The following TNR variants were observed in gnomAD, a reference collection of about 807,000 sequenced individuals.
TNR encodes tenascin-R.
In TNR, 45 loss-of-function variants were observed where a neutral mutation model predicts 150.4. The observed-to-expected ratio is 0.30, with a 90% CI of 0.24 to 0.38. TNR has a LOEUF of 0.38. TNR is among the 10% of genes least tolerant of loss of function. The pLI, the probability that TNR is intolerant of heterozygous loss-of-function variation, is 1.00. For missense variants in TNR, 1,544 were observed against 1,759.1 expected, an observed-to-expected ratio of 0.88 and a Z score of 2.19; for synonymous variants, 687 against 678.4, an observed-to-expected ratio of 1.01 and a Z score of -0.20.
chr1:175,551,606 A>T (rs1372124435), intron 1 of TNR, among the ~76,000 whole-genome samples: 3 of 152,216 alleles, frequency 2.0e-5, no homozygotes, highest in Non-Finnish European at 2.9e-5. Context: ...CATGGCTTGG[A>T]GTACCTATTT....
At chr1:175,407,038 G>C (rs770934050) in intron 2 of TNR, among the ~76,000 whole-genome samples, 12 of 152,220 alleles carry the variant, frequency 7.9e-5, no homozygotes, top group Admixed American at 7.8e-4. Flanking sequence ...CTGGTCCCAT[G>C]GTGGGCAAAT....
chr1:175,351,952 C>A (rs1224023426), intron 18 of TNR, among the ~76,000 whole-genome samples: 1 of 152,188 alleles, frequency 6.6e-6, no homozygotes, highest in African/African-American at 2.4e-5. Flanking sequence ...GTCTTGTAAA[C>A]ACAAACAAAC....
chr1:175,739,708 C>A (rs1667872778), intron 1 of TNR, among the ~76,000 whole-genome samples: 1 of 152,138 alleles, frequency 6.6e-6, no homozygotes, highest in Non-Finnish European at 1.5e-5. Flanking sequence ...TCTAAATTTA[C>A]TCTTAAATAA....
chr1:175,374,716 T>C (rs1483527848), intron 9 of TNR, among the ~76,000 whole-genome samples: 3 of 152,196 alleles, frequency 2.0e-5, no homozygotes, highest in African/African-American at 7.2e-5. Context: ...ATAGTCCTGG[T>C]GCAGGGAGAG....
chr1:175,437,411 C>T (rs1175795286), intron 2 of TNR, among the ~76,000 whole-genome samples: 21 of 152,246 alleles, frequency 1.4e-4, no homozygotes, highest in South Asian at 1.2e-3. Context: ...ACTAAATGCT[C>T]GCAAGAGAAG....
At chr1:175,689,427 T>C (rs903933329) in intron 1 of TNR, among the ~76,000 whole-genome samples, 11 of 152,190 alleles carry the variant, frequency 7.2e-5, no homozygotes, top group South Asian at 4.1e-4. Context: ...ACCTCTTAGA[T>C]TGGAGGCCTG....
chr1:175,715,929 C>T (rs1300945677), intron 1 of TNR, among the ~76,000 whole-genome samples: 1 of 152,212 alleles, frequency 6.6e-6, no homozygotes, highest in Non-Finnish European at 1.5e-5. Context: ...ACTTCCTGCA[C>T]ACACATCAGT....
rs535011161 is a variant in TNR at position 175,500,344 on chromosome 1, C to A, written c.-64+27925G>T. ...CACGTTCTCCTCAGTTTCCATTTTT[C>A]TTGTGTGGATGTAGAATTTCTAAGT... On this transcript the variant is annotated intron_variant, in intron 2 of 22. Transcript: ENST00000367674. Among the ~76,000 whole-genome samples the A allele has an allele frequency of 3.0e-4, 46 of 152,288 alleles. 1 individual carries two copies. In the South Asian group the frequency reaches 8.5e-3, roughly 28 times the overall value.
At chr1:175,618,724 G>A (rs1478100548) in intron 1 of TNR, among the ~76,000 whole-genome samples, 1 of 152,156 alleles carries the variant, frequency 6.6e-6, no homozygotes, top group Non-Finnish European at 1.5e-5. Context: ...GAATACGCCA[G>A]CTTTATAATC....
chr1:175,370,376 T>C (rs1044240037), intron 9 of TNR, among the ~76,000 whole-genome samples: 1 of 125,450 alleles, frequency 8.0e-6, no homozygotes, highest in Non-Finnish European at 1.6e-5. Context: ...TTTTGGTGAG[T>C]GGTCTCATCA....
intron 1 of TNR, among the ~76,000 whole-genome samples, chr1:175,588,267 G>A (rs77248274): frequency 0.018 from 2,696 of 152,260 alleles, 83 homozygotes; most frequent in African/African-American, 0.062. Context: ...ACTTTGTGGC[G>A]GTAGCAGTGT....
intron 2 of TNR, among the ~76,000 whole-genome samples, chr1:175,417,555 G>A (rs1236995806): frequency 6.6e-6 from 1 of 152,112 alleles, no homozygotes; most frequent in Non-Finnish European, 1.5e-5. Flanking sequence ...TGGATATCAA[G>A]CTCTGGAAAC....
At chr1:175,547,564 G>GGAAA (rs61602065) in intron 1 of TNR, among the ~76,000 whole-genome samples, 3,734 of 130,922 alleles carry the variant, frequency 0.029, 56 homozygotes, top group Middle Eastern at 0.041. Flanking sequence ...AAAGATAGAA[G>GGAAA]GAAAGAAAGA....
chr1:175,445,704 A>G (rs1656015358), intron 2 of TNR, among the ~76,000 whole-genome samples: 1 of 152,226 alleles, frequency 6.6e-6, no homozygotes, highest in African/African-American at 2.4e-5. Context: ...TATGAAATGG[A>G]GAACCAATAT....
At chr1:175,692,361 C>A (rs937269648) in intron 1 of TNR, among the ~76,000 whole-genome samples, 2 of 152,134 alleles carry the variant, frequency 1.3e-5, no homozygotes, top group African/African-American at 4.8e-5. Context: ...GGCACAGGGG[C>A]CATCTGGGAA....
chr1:175,341,342 T>G (rs1018613205), intron 18 of TNR, among the ~76,000 whole-genome samples: 2 of 152,256 alleles, frequency 1.3e-5, no homozygotes, highest in Non-Finnish European at 2.9e-5. Context: ...GAGAATCTTT[T>G]AATTTTTATT....
At chr1:175,488,472 T>G (rs1658106419) in intron 2 of TNR, among the ~76,000 whole-genome samples, 1 of 152,066 alleles carries the variant, frequency 6.6e-6, no homozygotes, top group Non-Finnish European at 1.5e-5. Context: ...TGGAGGGGAA[T>G]AGATTCAATA....
intron 1 of TNR, among the ~76,000 whole-genome samples, chr1:175,706,352 AC>A (rs1373564930): frequency 6.6e-6 from 1 of 152,050 alleles, no homozygotes; most frequent in Non-Finnish European, 1.5e-5. Context: ...CAGCATCATT[AC>A]CCCCACTCCA....
rs1194132034 is a variant in TNR, at chr1:175,480,412, GAAAGAAA to G, written c.-64+47850_-64+47856del. ...AAGAAAGAAAGAAAGAAAAAAGAAA[GAAAGAAA>G]AAAGAAAGAAAGAAAGAAAGAAAGA... On this transcript the variant is annotated intron_variant, in intron 2 of 22. Coordinates refer to ENST00000367674, the MANE Select transcript of TNR (RefSeq NM_003285.3). Among the ~76,000 whole-genome samples, 194 of 97,810 alleles carry G rather than the reference GAAAGAAA, an allele frequency of 2.0e-3. 1 individual carries two copies. In the East Asian group the frequency reaches 0.04, roughly 20 times the overall value. The allele number at this position is 97,810 out of a possible 152,430, so 64.2% of individuals were successfully genotyped here. A position where few individuals can be genotyped will look rare whatever the true frequency, so the allele number is the denominator to read the frequency against.
Sources: gnomAD v4.1 joint callset for allele counts (sites outside exome capture counted in the v4.1 genomes callset) on GRCh38, gnomAD v4.1.1 for gene constraint, MANE v1.5 for transcripts, NCBI Gene and HGNC (gene_info 2026-07-23, HGNC 2026-07-21) for gene names.